COL5A3: variants seen among roughly 807,000 people sequenced by gnomAD.
COL5A3 encodes collagen type V alpha 3 chain.
COL5A3 carries 172 observed loss-of-function variants against 250.0 expected under a neutral mutation model. The observed-to-expected ratio is 0.69, with a 90% CI of 0.61 to 0.78. The LOEUF (loss-of-function observed/expected upper bound fraction) is 0.78. Ranked by LOEUF, COL5A3 falls within the 30% of genes least tolerant of loss-of-function variation. COL5A3 has a pLI of 0.00. For missense variants in COL5A3, 2,340 were observed against 2,334.4 expected, an observed-to-expected ratio of 1.00 and a Z score of -0.05; for synonymous variants, 937 against 900.4, an observed-to-expected ratio of 1.04 and a Z score of -0.73.
At chr19:9,988,950 A>G (rs1175024180) in intron 27 of COL5A3, among the ~76,000 whole-genome samples, 174 bp downstream of exon 27, 1 of 152,034 alleles carries the variant, frequency 6.6e-6, no homozygotes, top group Non-Finnish European at 1.5e-5. Context: ...CAACAAGGTG[A>G]CAACCACACT....
chr19:9,960,933 G>A, intron 65 of COL5A3, 43 bp from the exon 66 acceptor site: 1 of 1,591,958 alleles, frequency 6.3e-7, no homozygotes. Flanking sequence ...GGCTCCATGA[G>A]CCTCTTTCTG....
chr19:10,003,753 C>T (rs2145142825), intron 5 of COL5A3, 39 bp from the exon 6 acceptor site: 4 of 1,609,792 alleles, frequency 2.5e-6, no homozygotes, highest in South Asian at 1.1e-5. Context: ...AGCATCCCAC[C>T]AGCAGAGACC....
chr19:9,962,598 T>A (rs886645336), intron 65 of COL5A3, among the ~76,000 whole-genome samples: 11 of 152,130 alleles, frequency 7.2e-5, no homozygotes, highest in Non-Finnish European at 1.5e-5. Flanking sequence ...ATTTCCACCA[T>A]GCCCTGTGCT....
intron 23 of COL5A3, 31 bp downstream of exon 23, chr19:9,991,757 A>C: frequency 2.5e-6 from 4 of 1,598,162 alleles, no homozygotes; most frequent in Non-Finnish European, 3.4e-6. Context: ...GACCACTCCC[A>C]TGCCCCATTA....
Position 10,009,161 on chromosome 19 carries a change from G to GGTTGTGTGTGTGT in COL5A3, c.88+1136_88+1137insACACACACACAAC, listed in dbSNP as rs570427193. On this transcript the variant is annotated intron_variant, in intron 1 of 66. Coordinates refer to ENST00000264828, the MANE Select transcript of COL5A3 (RefSeq NM_015719.4). The surrounding 1 kb of genome is among the most constrained non-coding windows in gnomAD (Gnocchi z 4.4). Reference sequence around the variant, plus strand: ...GACTCCAAAGTAAGAAGTGTGCTGTGGTGTGTGTGTGTGTGTGTGTGTGTG... The same window carrying GGTTGTGTGTGTGT: ...GACTCCAAAGTAAGAAGTGTGCTGTGGTTGTGTGTGTGTGTGTGTGTGTGTGTGTGTGTGTGTG... Among the ~76,000 whole-genome samples the GGTTGTGTGTGTGT allele has an allele frequency of 7.1e-6, 1 of 140,348 alleles. No individual in the cohort carries two copies. The highest frequency in any genetic ancestry group is 2.6e-5 in the African/African-American group (1 of 37,786). The allele number at this position is 140,348 out of a possible 152,430, so 92.1% of individuals were successfully genotyped here. A position where few individuals can be genotyped will look rare whatever the true frequency, so the allele number is the denominator to read the frequency against.
intron 27 of COL5A3, among the ~76,000 whole-genome samples, chr19:9,988,833 C>CAAAAAAAA (rs67181648): frequency 3.0e-4 from 12 of 39,420 alleles, no homozygotes; most frequent in African/African-American, 8.5e-4. Context: ...GACTCTGTCT[C>CAAAAAAAA]AAAAAAAAAA....
chr19:9,973,074 A>C, intron 50 of COL5A3, 48 bp from the exon 51 acceptor site: 1 of 1,496,886 alleles, frequency 6.7e-7, no homozygotes, highest in Non-Finnish European at 9.1e-7. Flanking sequence ...CTCTCCAGGG[A>C]TCAAGGATTA....
chr19:9,980,571 G>T, intron 35 of COL5A3, 77 bp downstream of exon 35: 1 of 1,550,116 alleles, frequency 6.5e-7, no homozygotes, highest in East Asian at 2.4e-5. Flanking sequence ...TTCATCTCTT[G>T]GGTTTGTCCT....
In COL5A3 at chr19:9,970,010, A is replaced by G. The variant is rs116024498; in HGVS notation, c.3937-88T>C. 6,443 of 833,912 alleles carry G rather than the reference A, an allele frequency of 7.7e-3. 516 individuals carry two copies. In the African/African-American group the frequency reaches 0.13, roughly 16 times the overall value. 51.7% of individuals were successfully genotyped at this position (833,912 alleles called of 1,614,324 possible). A position where few individuals can be genotyped will look rare whatever the true frequency, so the allele number is the denominator to read the frequency against. ...GGTCTGGGTGACTGGGGGGTTATGG[A>G]TGAGTGGGGTCTGTAAGGTGAGTGG... On this transcript the variant is annotated intron_variant, in intron 54 of 66. Transcript: ENST00000264828.
intron 24 of COL5A3, among the ~76,000 whole-genome samples, chr19:9,990,643 A>G (rs1287665555): frequency 6.6e-6 from 1 of 151,660 alleles, no homozygotes; most frequent in Non-Finnish European, 1.5e-5. Flanking sequence ...GCTCACTGCA[A>G]GCTCCGCCTC....
At position 9,968,913 on chromosome 19, in the gene COL5A3, G is replaced by T. The variant is rs1224398992; in HGVS notation, c.4153-185C>A. On this transcript the variant is annotated intron_variant, in intron 57 of 66. Coordinates refer to ENST00000264828, the MANE Select transcript of COL5A3 (RefSeq NM_015719.4). This position sits in a 1 kb window ranked among gnomAD's most constrained non-coding sequence, Gnocchi z 4.1. ...GATGAGAGCTAATGAGGGGTTGACTGGAGGATGGACAACGTGAGTGGTCAG... is the reference window on the plus strand; with the variant it reads ...GATGAGAGCTAATGAGGGGTTGACTTGAGGATGGACAACGTGAGTGGTCAG... The T allele has an allele frequency of 3.1e-6, 2 of 652,512 alleles. No individual in the cohort carries two copies. The highest frequency in any genetic ancestry group is 5.4e-6 in the Non-Finnish European group (2 of 370,450). 40.4% of individuals were successfully genotyped at this position (652,512 alleles called of 1,614,324 possible). A position where few individuals can be genotyped will look rare whatever the true frequency, so the allele number is the denominator to read the frequency against.
At chr19:9,970,783 C>A (rs979023424) in intron 53 of COL5A3, 108 bp from the exon 54 acceptor site, 22 of 1,061,260 alleles carry the variant, frequency 2.1e-5, no homozygotes, top group Non-Finnish European at 2.7e-5. Flanking sequence ...CTCACCCCAG[C>A]ACCGGGTACT....
At chr19:9,981,775 A>G (rs143944495) in intron 32 of COL5A3, among the ~76,000 whole-genome samples, 2 of 152,336 alleles carry the variant, frequency 1.3e-5, no homozygotes, top group Non-Finnish European at 2.9e-5. Flanking sequence ...ACGCAGATTC[A>G]TGCCCTTGTT....
chr19:9,968,462 G>A lies in COL5A3; in HGVS notation c.4237C>T (p.Pro1413Ser), dbSNP rs2086785431. 1 of 1,587,730 alleles carries A rather than the reference G, an allele frequency of 6.3e-7. No homozygotes were observed. Among genetic ancestry groups the A allele is most frequent in the South Asian group, 1.2e-5 (1 of 86,564 alleles). Residue 1413 changes from proline to serine, a missense_variant, in exon 59 of 67, where the codon CCC (proline) becomes TCC (serine). This residue lies in a region of COL5A3 where 1,179 missense variants were observed against 1,162.6 expected (regional missense o/e 1.01). Coordinates refer to ENST00000264828, the MANE Select transcript of COL5A3 (RefSeq NM_015719.4). This position sits in a 1 kb window ranked among gnomAD's most constrained non-coding sequence, Gnocchi z 4.1. ...CCTTTCTCACCAGCTTCTCCCGGGG[G>A]GCCAATGAGACCGATCAATCCAATG... ...GHIGLIGLIG[P>S]PGEAGEKGDQ...
At chr19:9,991,913 G>C in intron 22 of COL5A3, 72 bp from the exon 23 acceptor site, 1 of 1,573,158 alleles carries the variant, frequency 6.4e-7, no homozygotes, top group Non-Finnish European at 8.7e-7. Context: ...AATTGACTTG[G>C]GGGGGGTCAG....
In COL5A3 at chr19:9,968,766, T is replaced by A; in HGVS notation, c.4153-38A>T. On this transcript the variant is annotated intron_variant, in intron 57 of 66. Transcript: ENST00000264828. This position sits in a 1 kb window ranked among gnomAD's most constrained non-coding sequence, Gnocchi z 4.1. The stretch of plus-strand genomic sequence containing the variant: ...CAAGGGTCAGTTAGGGATTCTCAAA[T>A]GTGAACTCGAGGTCTGTGTGGGTGG... The A allele has an allele frequency of 1.3e-6, 2 of 1,580,638 alleles. No homozygotes were observed. Among genetic ancestry groups the A allele is most frequent in the Non-Finnish European group, 1.7e-6 (2 of 1,157,624 alleles).
At chr19:9,970,779 C>G (rs1250179433) in intron 53 of COL5A3, 104 bp from the exon 54 acceptor site, 3 of 1,095,230 alleles carry the variant, frequency 2.7e-6, no homozygotes, top group Non-Finnish European at 3.7e-6. Flanking sequence ...AAGCCTCACC[C>G]CAGCACCGGG....
intron 1 of COL5A3, among the ~76,000 whole-genome samples, chr19:10,007,648 G>A (rs904436870): frequency 1.3e-5 from 2 of 152,170 alleles, no homozygotes; most frequent in Admixed American, 6.5e-5. Flanking sequence ...AATCTGCCAT[G>A]ACCTCACCCC....
intron 62 of COL5A3, 34 bp from the exon 63 acceptor site, chr19:9,966,780 G>C (rs1036517451): frequency 4.1e-6 from 6 of 1,473,920 alleles, no homozygotes; most frequent in Non-Finnish European, 5.5e-6. Flanking sequence ...AGAAGAGAGG[G>C]GAGATGGGGG....
Sources: gnomAD v4.1 joint callset for allele counts (sites outside exome capture counted in the v4.1 genomes callset) on GRCh38, gnomAD v4.1.1 for gene constraint, gnomAD v4.1.1 regional missense constraint, Gnocchi (gnomAD v3.1) non-coding constraint, MANE v1.5 for transcripts, NCBI Gene and HGNC (gene_info 2026-07-23, HGNC 2026-07-21) for gene names.